Variants in NOX4 observed in about 807,000 individuals in gnomAD.
NOX4 encodes NADPH oxidase 4.
Under a neutral mutation model 87.6 loss-of-function variants are expected in NOX4, and 69 were observed. The ratio of observed to expected loss-of-function variants is 0.79; its 90% CI spans 0.65 to 0.96. NOX4 has a LOEUF of 0.96. NOX4 is among the 40% of genes least tolerant of loss of function. The pLI is 0.00. For synonymous variants in NOX4, 275 were observed against 238.2 expected (o/e 1.15, Z -1.42); for missense variants, 680 against 681.5 (o/e 1.00, Z 0.02).
chr11:89,533,003 C>T, the NOX4 span, among the ~76,000 whole-genome samples: 1 of 152,138 alleles, frequency 6.6e-6, no homozygotes, highest in Admixed American at 6.5e-5. Flanking sequence ...GTCAATTAAA[C>T]CTCTTTCCTT....
At chr11:89,460,816 C>T (rs185543939) in intron 2 of NOX4, among the ~76,000 whole-genome samples, 1 of 152,140 alleles carries the variant, frequency 6.6e-6, no homozygotes, top group Non-Finnish European at 1.5e-5. Context: ...GGGTATATAC[C>T]CAGAGGATTA....
intron 3 of NOX4, among the ~76,000 whole-genome samples, 164 bp from the exon 4 acceptor site, chr11:89,449,688 A>T (rs1944867954): frequency 6.6e-6 from 1 of 152,154 alleles, no homozygotes; most frequent in African/African-American, 2.4e-5. Flanking sequence ...TGGGACACCT[A>T]AACCATTAAA....
chr11:89,432,347 A>T (rs1172698215), intron 7 of NOX4, among the ~76,000 whole-genome samples: 2 of 152,034 alleles, frequency 1.3e-5, no homozygotes, highest in Non-Finnish European at 2.9e-5. Flanking sequence ...CTTAAAGTAT[A>T]ATAATAAAAA....
chr11:89,462,549 A>G (rs1945517011), intron 2 of NOX4, among the ~76,000 whole-genome samples: 2 of 152,070 alleles, frequency 1.3e-5, no homozygotes, highest in South Asian at 4.1e-4. Flanking sequence ...CCCATAAACA[A>G]CTATATAAGT....
the NOX4 span, among the ~76,000 whole-genome samples, chr11:89,550,300 C>G: frequency 6.6e-6 from 1 of 152,006 alleles, no homozygotes; most frequent in African/African-American, 2.4e-5. Context: ...ATTCTCCTGC[C>G]TCAGCCTCTC....
chr11:89,424,891 C>A (rs954486772), intron 7 of NOX4, among the ~76,000 whole-genome samples: 12 of 152,068 alleles, frequency 7.9e-5, no homozygotes, highest in African/African-American at 2.9e-4. Context: ...AAAGAGATAT[C>A]TGTCTCCATG....
chr11:89,474,935 G>A (rs887661217), intron 2 of NOX4, among the ~76,000 whole-genome samples: 1 of 150,966 alleles, frequency 6.6e-6, no homozygotes, highest in Non-Finnish European at 1.5e-5. Flanking sequence ...AAACAGAGGG[G>A]GTATTCTACA....
At chr11:89,326,962 A>C in intron 17 of NOX4, 86 bp from the exon 18 acceptor site, 2 of 1,250,230 alleles carry the variant, frequency 1.6e-6, no homozygotes, top group Non-Finnish European at 2.2e-6. Flanking sequence ...CATGGTTTAA[A>C]GTATTAACAA....
At chr11:89,464,065 G>C (rs1366069487) in intron 2 of NOX4, among the ~76,000 whole-genome samples, 8 of 151,974 alleles carry the variant, frequency 5.3e-5, no homozygotes, top group African/African-American at 1.9e-4. Context: ...GGAATTAAGA[G>C]ATACAAATAA....
chr11:89,518,127 T>C, the NOX4 span, among the ~76,000 whole-genome samples: 2 of 152,156 alleles, frequency 1.3e-5, no homozygotes, highest in African/African-American at 4.8e-5. Flanking sequence ...TTGAAAAACA[T>C]TGACATAAAA....
At chr11:89,344,312 G>A (rs1305811792) in intron 13 of NOX4, among the ~76,000 whole-genome samples, 1 of 152,266 alleles carries the variant, frequency 6.6e-6, no homozygotes, top group South Asian at 2.1e-4. Flanking sequence ...TGTAATCCCA[G>A]CACTTAGGGA....
At chr11:89,531,073 T>C in the NOX4 span, among the ~76,000 whole-genome samples, 8 of 152,190 alleles carry the variant, frequency 5.3e-5, no homozygotes, top group Non-Finnish European at 1.0e-4. Flanking sequence ...TTAAGTTAGC[T>C]CCAGCTGGCT....
At chr11:89,382,756 C>T (rs1378493372) in intron 11 of NOX4, among the ~76,000 whole-genome samples, 1 of 152,052 alleles carries the variant, frequency 6.6e-6, no homozygotes, top group East Asian at 1.9e-4. Flanking sequence ...GTCTGGCTTA[C>T]AGTTTTGTTC....
chr11:89,439,981 C>T (rs1030734410), intron 6 of NOX4, among the ~76,000 whole-genome samples: 3 of 152,152 alleles, frequency 2.0e-5, no homozygotes, highest in African/African-American at 7.2e-5. Flanking sequence ...TGGATACCCA[C>T]AGTGCTTGGT....
chr11:89,444,270 C>T (rs1944586636), intron 4 of NOX4, 38 bp from the exon 5 acceptor site: 1 of 1,539,908 alleles, frequency 6.5e-7, no homozygotes, highest in Non-Finnish European at 9.0e-7. Context: ...GTGGGATTTG[C>T]ATATATGCTC....
intron 5 of NOX4, among the ~76,000 whole-genome samples, chr11:89,441,290 A>G (rs963993471): frequency 6.6e-6 from 1 of 152,158 alleles, no homozygotes; most frequent in Non-Finnish European, 1.5e-5. Context: ...TTGCTAAAAT[A>G]TTGTATGATT....
the NOX4 span, among the ~76,000 whole-genome samples, chr11:89,514,993 T>C: frequency 6.6e-6 from 1 of 152,052 alleles, no homozygotes; most frequent in Non-Finnish European, 1.5e-5. Flanking sequence ...TGACATGACA[T>C]CTGTTCATCC....
chr11:89,342,357 G>A (rs1198547654), intron 13 of NOX4, among the ~76,000 whole-genome samples, 164 bp from the exon 14 acceptor site: 2 of 152,126 alleles, frequency 1.3e-5, no homozygotes, highest in African/African-American at 4.8e-5. Context: ...AGCAAATGTT[G>A]CTTATGAAGT....
At chr11:89,432,308 C>A (rs921530612) in intron 7 of NOX4, among the ~76,000 whole-genome samples, 4 of 151,182 alleles carry the variant, frequency 2.6e-5, no homozygotes, top group African/African-American at 9.7e-5. Context: ...ATGTAACAAA[C>A]CTGCACATTA....
Sources: gnomAD v4.1 joint callset for allele counts (sites outside exome capture counted in the v4.1 genomes callset) on GRCh38, gnomAD v4.1.1 for gene constraint, MANE v1.5 for transcripts, NCBI Gene and HGNC (gene_info 2026-07-23, HGNC 2026-07-21) for gene names.